Variants in BACH2 observed in about 807,000 individuals in gnomAD.
BACH2 encodes BACH transcriptional regulator 2.
BACH2 carries 5 observed loss-of-function variants against 61.8 expected under a neutral mutation model. The ratio of observed to expected loss-of-function variants is 0.08; its 90% CI spans 0.04 to 0.17. The LOEUF is 0.17. Ranked by LOEUF, BACH2 falls within the 10% of genes least tolerant of loss-of-function variation. BACH2 has a pLI of 1.00. For synonymous variants in BACH2, 446 were observed against 440.1 expected, an observed-to-expected ratio of 1.01 and a Z score of -0.17; for missense variants, 824 against 1,091.1, an observed-to-expected ratio of 0.76 and a Z score of 3.45.
chr6:89,930,359 TATG>T lies in BACH2; in HGVS notation c.*2046_*2048del, dbSNP rs1007055451. 6 of 151,786 alleles carry T rather than the reference TATG, an allele frequency of 4.0e-5. No homozygotes were observed. Among genetic ancestry groups the T allele is most frequent in the East Asian group, 1.9e-4 (1 of 5,146 alleles). The allele number at this position is 151,786 out of a possible 1,614,324, so 9.4% of individuals were successfully genotyped here. A position where few individuals can be genotyped will look rare whatever the true frequency, so the allele number is the denominator to read the frequency against. On this transcript the variant is annotated 3_prime_UTR_variant, in exon 9 of 9. Coordinates refer to ENST00000257749, the MANE Select transcript of BACH2 (RefSeq NM_021813.4). ...TTAATAATACTAAAACATATGTTAC[TATG>T]ATTTCACTTTTAGCCTACATCATAT...
At chr6:90,229,165 C>T (rs1770010871) in intron 3 of BACH2, among the ~76,000 whole-genome samples, 3 of 152,180 alleles carry the variant, frequency 2.0e-5, no homozygotes, top group Non-Finnish European at 2.9e-5. Flanking sequence ...ACATCCCATA[C>T]TAATAAAATC....
intron 4 of BACH2, among the ~76,000 whole-genome samples, chr6:90,126,836 A>G (rs537784652): frequency 6.6e-6 from 1 of 152,340 alleles, no homozygotes; most frequent in Admixed American, 6.5e-5. Flanking sequence ...CACTACATTT[A>G]TCCTCCAGTC....
chr6:89,992,527 C>G (rs1185643194), intron 6 of BACH2, among the ~76,000 whole-genome samples: 1 of 152,202 alleles, frequency 6.6e-6, no homozygotes, highest in Non-Finnish European at 1.5e-5. Context: ...GTAATCCCAG[C>G]TACTTGGGAG....
intron 4 of BACH2, among the ~76,000 whole-genome samples, chr6:90,096,094 G>T (rs1049353897): frequency 6.6e-6 from 1 of 152,194 alleles, no homozygotes; most frequent in Non-Finnish European, 1.5e-5. Flanking sequence ...AGTAAAACAT[G>T]AAAGTAAACT....
intron 4 of BACH2, among the ~76,000 whole-genome samples, chr6:90,204,504 G>T (rs967105522): frequency 6.6e-6 from 1 of 151,970 alleles, no homozygotes; most frequent in Admixed American, 6.6e-5. Flanking sequence ...ATAAAATAAA[G>T]AACGTACTGA....
intron 2 of BACH2, among the ~76,000 whole-genome samples, chr6:90,260,470 C>G (rs550739137): frequency 3.7e-4 from 57 of 152,264 alleles, no homozygotes; most frequent in African/African-American, 1.3e-3. Context: ...AACATATGGT[C>G]TATCCTGGAG....
At chr6:90,089,364 C>T (rs929360594) in intron 4 of BACH2, among the ~76,000 whole-genome samples, 20 of 151,916 alleles carry the variant, frequency 1.3e-4, no homozygotes, top group Admixed American at 6.6e-5. Flanking sequence ...GCAGCCCTCA[C>T]GAGGGGCTCT....
chr6:90,107,925 T>C (rs1462304384), intron 4 of BACH2, among the ~76,000 whole-genome samples: 4 of 152,196 alleles, frequency 2.6e-5, no homozygotes, highest in African/African-American at 4.8e-5. Context: ...CCTTTAGGAA[T>C]TGGCTCAGTG....
intron 4 of BACH2, among the ~76,000 whole-genome samples, chr6:90,101,612 A>G (rs575713929): frequency 3.9e-5 from 6 of 152,176 alleles, no homozygotes; most frequent in Non-Finnish European, 7.4e-5. Context: ...TGAGTCCTCC[A>G]ATTTTGTTCC....
intron 6 of BACH2, among the ~76,000 whole-genome samples, chr6:89,984,634 G>A (rs1291624436): frequency 6.6e-6 from 1 of 152,174 alleles, no homozygotes; most frequent in Non-Finnish European, 1.5e-5. Flanking sequence ...CTCCTGACAA[G>A]ATGCCACTGT....
At chr6:89,977,711 GATT>G (rs1290510130) in intron 6 of BACH2, among the ~76,000 whole-genome samples, 1 of 152,134 alleles carries the variant, frequency 6.6e-6, no homozygotes, top group Non-Finnish European at 1.5e-5. Context: ...TATATATCGA[GATT>G]ATATTACAAT....
intron 6 of BACH2, among the ~76,000 whole-genome samples, chr6:90,003,759 C>G (rs1477161503): frequency 1.3e-5 from 2 of 152,214 alleles, no homozygotes; most frequent in African/African-American, 4.8e-5. Context: ...CTGCCCATTA[C>G]TCTTTTTCAG....
chr6:90,063,819 T>G (rs1780809081), intron 5 of BACH2, among the ~76,000 whole-genome samples: 1 of 152,204 alleles, frequency 6.6e-6, no homozygotes, highest in Admixed American at 6.5e-5. Context: ...TGAACTGGAT[T>G]TAATATTCTG....
At chr6:90,081,235 G>C (rs1185576255) in intron 5 of BACH2, among the ~76,000 whole-genome samples, 1 of 152,174 alleles carries the variant, frequency 6.6e-6, no homozygotes, top group East Asian at 1.9e-4. Context: ...GTCATAAACA[G>C]TCTGAGGGAC....
At chr6:90,213,773 T>C (rs1010767139) in intron 3 of BACH2, among the ~76,000 whole-genome samples, 1 of 152,310 alleles carries the variant, frequency 6.6e-6, no homozygotes, top group East Asian at 1.9e-4. Flanking sequence ...ATACATACAG[T>C]AGGCACTCAA....
At chr6:90,025,229 T>C (rs1049998199) in intron 5 of BACH2, among the ~76,000 whole-genome samples, 2 of 152,174 alleles carry the variant, frequency 1.3e-5, no homozygotes, top group African/African-American at 2.4e-5. Flanking sequence ...AATTTAGCCA[T>C]GGGCAGATTT....
chr6:90,010,459 T>C (rs1033117893), intron 5 of BACH2, among the ~76,000 whole-genome samples: 1 of 152,262 alleles, frequency 6.6e-6, no homozygotes, highest in African/African-American at 2.4e-5. Context: ...TAGCATCCTA[T>C]TGTATAAATA....
At chr6:89,976,387 G>A (rs1775654215) in intron 6 of BACH2, among the ~76,000 whole-genome samples, 1 of 152,204 alleles carries the variant, frequency 6.6e-6, no homozygotes, top group African/African-American at 2.4e-5. Context: ...TGTAAGGCAG[G>A]GGCAAGCTGC....
intron 4 of BACH2, among the ~76,000 whole-genome samples, chr6:90,105,533 A>G (rs1473440460): frequency 2.0e-5 from 3 of 152,232 alleles, no homozygotes; most frequent in African/African-American, 7.2e-5. Flanking sequence ...GGACCAAAAC[A>G]TAGGCAGGAA....
Sources: gnomAD v4.1 joint callset for allele counts (sites outside exome capture counted in the v4.1 genomes callset) on GRCh38, gnomAD v4.1.1 for gene constraint, MANE v1.5 for transcripts, NCBI Gene and HGNC (gene_info 2026-07-23, HGNC 2026-07-21) for gene names.